Variants in LARS2 observed in about 807,000 individuals in gnomAD.
LARS2 encodes leucine--tRNA ligase, mitochondrial.
A neutral mutation model predicts 116.6 loss-of-function variants in LARS2; 81 were observed. The ratio of observed to expected loss-of-function variants is 0.69; its 90% CI spans 0.58 to 0.84. The LOEUF (loss-of-function observed/expected upper bound fraction) is 0.84. LARS2 is among the 40% of genes least tolerant of loss of function. LARS2 has a pLI of 0.00. For missense variants in LARS2, 968 were observed against 1,114.5 expected, an observed-to-expected ratio of 0.87 and a Z score of 1.87; for synonymous variants, 396 against 407.2, an observed-to-expected ratio of 0.97 and a Z score of 0.33.
intron 8 of LARS2, among the ~76,000 whole-genome samples, chr3:45,459,658 C>A (rs1168478628): frequency 1.3e-5 from 2 of 152,190 alleles, no homozygotes; most frequent in Non-Finnish European, 2.9e-5. Flanking sequence ...GTACTGGAAC[C>A]ACTCTGTGCA....
Position 45,539,587 on chromosome 3 carries a change from T to C in LARS2, c.2405-2242T>C, listed in dbSNP as rs532611313. Among the ~76,000 whole-genome samples the C allele has an allele frequency of 1.8e-3, 269 of 151,918 alleles. 1 individual carries two copies. Among genetic ancestry groups the C allele is most frequent in the African/African-American group, 6.0e-3 (250 of 41,416 alleles). On this transcript the variant is annotated intron_variant, in intron 20 of 21. Coordinates refer to ENST00000645846, the MANE Select transcript of LARS2 (RefSeq NM_015340.4). ...CAGAGGTTGCAGTGAGCCAAGATCTTACCACTGCACTCCAGCCTGGATGAC... is the reference window on the plus strand; with the variant it reads ...CAGAGGTTGCAGTGAGCCAAGATCTCACCACTGCACTCCAGCCTGGATGAC...
intron 6 of LARS2, among the ~76,000 whole-genome samples, chr3:45,433,661 C>T (rs1004970158): frequency 6.6e-6 from 1 of 152,136 alleles, no homozygotes; most frequent in African/African-American, 2.4e-5. Context: ...GAAAGTCTAT[C>T]GTATTTACCC....
intron 13 of LARS2, among the ~76,000 whole-genome samples, chr3:45,495,815 A>G (rs894424849): frequency 6.6e-6 from 1 of 152,164 alleles, no homozygotes; most frequent in African/African-American, 2.4e-5. Context: ...CATACTATAC[A>G]ATATAAAAAG....
intron 4 of LARS2, among the ~76,000 whole-genome samples, chr3:45,409,081 A>G (rs764074316): frequency 2.0e-5 from 3 of 152,252 alleles, no homozygotes; most frequent in African/African-American, 7.2e-5. Context: ...AATAAAATAC[A>G]TGGAAAAAAT....
chr3:45,536,400 C>T (rs746612180), intron 20 of LARS2, among the ~76,000 whole-genome samples: 1 of 152,234 alleles, frequency 6.6e-6, no homozygotes, highest in Non-Finnish European at 1.5e-5. Context: ...TGAGCCACCA[C>T]ACCTGGTCTG....
At chr3:45,502,179 G>A (rs1324402716) in intron 15 of LARS2, among the ~76,000 whole-genome samples, 1 of 151,826 alleles carries the variant, frequency 6.6e-6, no homozygotes, top group Non-Finnish European at 1.5e-5. Flanking sequence ...TGTTTCATAG[G>A]TTTATGAATC....
At chr3:45,520,475 T>C (rs2125756483) in intron 19 of LARS2, among the ~76,000 whole-genome samples, 179 bp downstream of exon 19, 1 of 152,124 alleles carries the variant, frequency 6.6e-6, no homozygotes, top group Admixed American at 6.5e-5. Flanking sequence ...GCTGGAATGT[T>C]CTTAAAGATT....
At chr3:45,541,689 C>T (rs930776844) in intron 20 of LARS2, 140 bp from the exon 21 acceptor site, 30 of 1,063,706 alleles carry the variant, frequency 2.8e-5, no homozygotes, top group Non-Finnish European at 3.8e-5. Context: ...TGGTGAGCAC[C>T]CAGCAGCCAT....
chr3:45,474,464 A>G (rs1699580258), intron 9 of LARS2, 114 bp downstream of exon 9: 1 of 486,260 alleles, frequency 2.1e-6, no homozygotes, highest in Middle Eastern at 4.9e-4. Context: ...CCAAACGTGT[A>G]CAATTTTAAA....
intron 6 of LARS2, among the ~76,000 whole-genome samples, chr3:45,440,967 A>C (rs1194006476): frequency 1.3e-5 from 2 of 148,182 alleles, no homozygotes; most frequent in African/African-American, 2.5e-5. Context: ...ACATCAGCCC[A>C]CCTCTGAGTG....
intron 8 of LARS2, among the ~76,000 whole-genome samples, chr3:45,459,726 A>G (rs1304820681): frequency 6.6e-6 from 1 of 152,228 alleles, no homozygotes; most frequent in Non-Finnish European, 1.5e-5. Flanking sequence ...TCACTCCCTG[A>G]AACTCCAGAG....
Position 45,516,154 on chromosome 3 carries a change from G to C in LARS2, c.1922G>C (p.Ser641Thr). ...TTAGAGGTGACGTGGGAGAAGATGA[G>C]TAAGTCCAAACACAACGGGGTGGAC... ...EKLEVTWEKM[S>T]KSKHNGVDPE... The change falls in exon 17 of 22, where the codon AGT (serine) becomes ACT (threonine). Residue 641 changes from serine to threonine, a missense_variant. By Grantham distance (58) the Ser-to-Thr change is moderately conservative. Coordinates refer to ENST00000645846, the MANE Select transcript of LARS2 (RefSeq NM_015340.4). 1 of 1,614,250 alleles carries C rather than the reference G, an allele frequency of 6.2e-7. No individual in the cohort carries two copies. The highest frequency in any genetic ancestry group is 8.5e-7 in the Non-Finnish European group (1 of 1,180,038).
chr3:45,538,949 G>A (rs1700751270), intron 20 of LARS2, among the ~76,000 whole-genome samples: 1 of 152,194 alleles, frequency 6.6e-6, no homozygotes, highest in South Asian at 2.1e-4. Context: ...AGGAGGTGAT[G>A]TGTTGATTTA....
At chr3:45,420,002 A>G (rs895288746) in intron 6 of LARS2, among the ~76,000 whole-genome samples, 2 of 152,222 alleles carry the variant, frequency 1.3e-5, no homozygotes, top group Non-Finnish European at 2.9e-5. Context: ...GGATTTCTCT[A>G]GTTCTCAGCA....
At chr3:45,441,022 T>C (rs957397654) in intron 6 of LARS2, among the ~76,000 whole-genome samples, 1 of 105,372 alleles carries the variant, frequency 9.5e-6, no homozygotes, top group Non-Finnish European at 1.9e-5. Flanking sequence ...CATCACACAC[T>C]CTTTTTTTTT....
At chr3:45,405,276 C>A (rs899997934) in intron 4 of LARS2, among the ~76,000 whole-genome samples, 1 of 152,140 alleles carries the variant, frequency 6.6e-6, no homozygotes, top group Non-Finnish European at 1.5e-5. Flanking sequence ...TTTTAATGGT[C>A]AAATGTAACT....
rs193066008 is a variant in LARS2, at chr3:45,468,101, A to G, written c.751-6142A>G. Among the ~76,000 whole-genome samples the G allele has an allele frequency of 2.1e-3, 321 of 152,252 alleles. 1 individual carries two copies. Among genetic ancestry groups the G allele is most frequent in the African/African-American group, 7.2e-3 (300 of 41,556 alleles). On this transcript the variant is annotated intron_variant, in intron 8 of 21. Coordinates refer to ENST00000645846, the MANE Select transcript of LARS2 (RefSeq NM_015340.4). ...GCGACAGAGTGAGACACTGTCTCAA[A>G]AAAAAAAAGATTATTATCATTTTGA...
chr3:45,512,244 A>G (rs1440247152), intron 15 of LARS2, among the ~76,000 whole-genome samples: 2 of 152,192 alleles, frequency 1.3e-5, no homozygotes, highest in East Asian at 1.9e-4. Flanking sequence ...GAGTGCTCCT[A>G]CCTGATACCC....
intron 20 of LARS2, among the ~76,000 whole-genome samples, chr3:45,529,586 A>G (rs573210763): frequency 2.8e-4 from 43 of 152,122 alleles, no homozygotes; most frequent in African/African-American, 1.0e-3. Context: ...GCTAATGTTT[A>G]CGTGCAAAAT....
Sources: gnomAD v4.1 joint callset for allele counts (sites outside exome capture counted in the v4.1 genomes callset) on GRCh38, gnomAD v4.1.1 for gene constraint, MANE v1.5 for transcripts, NCBI Gene and HGNC (gene_info 2026-07-23, HGNC 2026-07-21) for gene names.